The following TUSC3 variants were observed in gnomAD, a reference collection of about 807,000 sequenced individuals.
TUSC3 encodes the protein tumor suppressor candidate 3.
Under a neutral mutation model 44.8 loss-of-function variants are expected in TUSC3, and 45 were observed. The ratio of observed to expected loss-of-function variants is 1.00; its 90% confidence interval spans 0.79 to 1.29. TUSC3 has a LOEUF of 1.29. TUSC3 is among the 50% of genes most tolerant of loss of function. The pLI, the probability that TUSC3 is intolerant of heterozygous loss-of-function variation, is 0.00. For missense variants in TUSC3, 519 were observed against 437.9 expected, an observed-to-expected ratio of 1.19 and a Z score of -1.65; for synonymous variants, 212 against 152.9, an observed-to-expected ratio of 1.39 and a Z score of -2.85.
At chr8:15,722,322 C>T (rs1810333452) in intron 6 of TUSC3, among the ~76,000 whole-genome samples, 1 of 151,272 alleles carries the variant, frequency 6.6e-6, no homozygotes, top group South Asian at 2.1e-4. Flanking sequence ...AGGTAAAGCT[C>T]ATCAGGAGAG....
At chr8:15,733,297 A>G (rs941095883) in intron 7 of TUSC3, 2 of 355,432 alleles carry the variant, frequency 5.6e-6, no homozygotes, top group Non-Finnish European at 1.1e-5. Context: ...AACATAAAGC[A>G]TTTGTTGCAG....
the TUSC3 span, among the ~76,000 whole-genome samples, chr8:15,819,389 A>G: frequency 1.9e-4 from 3 of 15,982 alleles, no homozygotes; most frequent in Non-Finnish European, 4.2e-4. Context: ...GTTTTATTGA[A>G]TTTTCTATAC....
chr8:15,666,218 T>C (rs1365413274), intron 5 of TUSC3, among the ~76,000 whole-genome samples: 1 of 151,362 alleles, frequency 6.6e-6, no homozygotes, highest in Non-Finnish European at 1.5e-5. Flanking sequence ...CCAGAAAATA[T>C]TAGTAGGATA....
chr8:15,719,181 A>T (rs1250843998), intron 6 of TUSC3, among the ~76,000 whole-genome samples: 1 of 152,028 alleles, frequency 6.6e-6, no homozygotes, highest in Non-Finnish European at 1.5e-5. Context: ...TCACCATGTA[A>T]TTCAGAATAA....
the TUSC3 span, among the ~76,000 whole-genome samples, chr8:15,833,602 C>T: frequency 6.6e-6 from 1 of 152,092 alleles, no homozygotes; most frequent in South Asian, 2.1e-4. Context: ...AAACCAAATA[C>T]CACACAGTCT....
the TUSC3 span, among the ~76,000 whole-genome samples, chr8:15,844,874 T>C: frequency 2.0e-5 from 3 of 152,176 alleles, no homozygotes; most frequent in Non-Finnish European, 4.4e-5. Context: ...AGCATGAATA[T>C]GTGATACTCT....
intron 1 of TUSC3, among the ~76,000 whole-genome samples, chr8:15,454,373 C>T (rs183173388): frequency 1.1e-4 from 16 of 152,298 alleles, no homozygotes; most frequent in African/African-American, 3.6e-4. Flanking sequence ...AGGAGGCAAG[C>T]ATCGAGGTTG....
chr8:15,441,164 T>G (rs925715527), intron 1 of TUSC3, among the ~76,000 whole-genome samples: 1 of 152,218 alleles, frequency 6.6e-6, no homozygotes, highest in Non-Finnish European at 1.5e-5. Flanking sequence ...CCCAGCACTT[T>G]GGGAGGCTGA....
chr8:15,789,126 T>A, the TUSC3 span, among the ~76,000 whole-genome samples: 1 of 152,194 alleles, frequency 6.6e-6, no homozygotes, highest in African/African-American at 2.4e-5. Flanking sequence ...TTATCCACAT[T>A]TTCCCAGAGT....
chr8:15,469,874 G>A (rs118050445), intron 1 of TUSC3, among the ~76,000 whole-genome samples: 2,201 of 152,302 alleles, frequency 0.014, 26 homozygotes, highest in Non-Finnish European at 0.022. Context: ...ATGTTACTAA[G>A]TGAAAGAAGC....
At chr8:15,717,039 G>C (rs1174405716) in intron 6 of TUSC3, among the ~76,000 whole-genome samples, 2 of 151,882 alleles carry the variant, frequency 1.3e-5, no homozygotes, top group African/African-American at 4.8e-5. Flanking sequence ...TCTCTTTTAT[G>C]GTCCTCTGTA....
At chr8:15,836,144 A>T in the TUSC3 span, among the ~76,000 whole-genome samples, 6 of 150,838 alleles carry the variant, frequency 4.0e-5, no homozygotes, top group East Asian at 7.8e-4. Context: ...TTATAAAATT[A>T]TTTTTTTTTG....
chr8:15,548,037 A>T (rs1048864988), intron 1 of TUSC3, among the ~76,000 whole-genome samples: 1 of 151,220 alleles, frequency 6.6e-6, no homozygotes, highest in African/African-American at 2.4e-5. Context: ...AATGTGAGCA[A>T]TCTGCAGTCC....
intron 2 of TUSC3, among the ~76,000 whole-genome samples, chr8:15,499,195 A>G (rs756985828): frequency 9.9e-5 from 15 of 151,828 alleles, no homozygotes; most frequent in Admixed American, 6.6e-5. Flanking sequence ...CTCTCTTTCT[A>G]TGTTTTACTC....
At chr8:15,509,585 G>C (rs1248961138) in intron 2 of TUSC3, among the ~76,000 whole-genome samples, 1 of 151,942 alleles carries the variant, frequency 6.6e-6, no homozygotes, top group Non-Finnish European at 1.5e-5. Context: ...TCAAACCTGG[G>C]AGACAGAGTG....
At chr8:15,523,838 A>G (rs900905020) in intron 2 of TUSC3, among the ~76,000 whole-genome samples, 26 of 151,084 alleles carry the variant, frequency 1.7e-4, no homozygotes, top group African/African-American at 4.1e-4. Context: ...CAGGCAGATC[A>G]TGAGGTCAAG....
chr8:15,688,718 C>T (rs936874625), intron 6 of TUSC3, among the ~76,000 whole-genome samples: 1 of 152,122 alleles, frequency 6.6e-6, no homozygotes, highest in African/African-American at 2.4e-5. Context: ...CTTCCATTTC[C>T]TCCTTCTCCT....
chr8:15,752,505 C>CTA (rs1208308800), intron 9 of TUSC3, among the ~76,000 whole-genome samples: 1 of 152,048 alleles, frequency 6.6e-6, no homozygotes, highest in Non-Finnish European at 1.5e-5. Context: ...GTTTGCAAAA[C>CTA]TAATAATTAT....
Position 15,515,810 on chromosome 8 carries a change from GTC to G in TUSC3, n.189+32332_189+32333del, listed in dbSNP as rs1365538508. Among the ~76,000 whole-genome samples the G allele has an allele frequency of 2.6e-5, 4 of 152,072 alleles. No homozygotes were observed. The South Asian group carries it at 8.3e-4, about 32-fold the overall frequency. On this transcript the variant is annotated intron_variant and non_coding_transcript_variant, in intron 2 of 5. Transcript: ENST00000503191. ...AGCTTCCCAAGTAGCTGGGACTACA[GTC>G]TCTCGCCACCACACCCGGCTATTTT...
Sources: allele counts gnomAD v4.1 joint callset (sites outside exome capture counted in the v4.1 genomes callset), GRCh38; gene constraint gnomAD v4.1.1; transcripts MANE v1.5; gene names NCBI Gene and HGNC (gene_info 2026-07-23, HGNC 2026-07-21).